Variants in TYW1 observed in about 807,000 individuals in gnomAD.
TYW1 encodes S-adenosyl-L-methionine-dependent tRNA 4-demethylwyosine synthase TYW1.
TYW1 carries 46 observed loss-of-function variants against 96.2 expected under a neutral mutation model. That is an observed-to-expected ratio of 0.48 (90% CI 0.38 to 0.61). The LOEUF is 0.61. Among genes scored for constraint, TYW1 ranks in the 20% least tolerant of loss-of-function variants. TYW1 has a pLI of 0.00. For synonymous variants in TYW1, 274 were observed against 323.0 expected (o/e 0.85, Z 1.63); for missense variants, 684 against 909.6 (o/e 0.75, Z 3.19).
intron 13 of TYW1, among the ~76,000 whole-genome samples, chr7:67,131,198 A>T (rs991779715): frequency 6.6e-6 from 1 of 151,812 alleles, no homozygotes; most frequent in South Asian, 2.1e-4. Flanking sequence ...TGGGCAAGGG[A>T]CTCACTTTTC....
intron 13 of TYW1, among the ~76,000 whole-genome samples, chr7:67,130,157 G>A (rs1232948630): frequency 6.6e-6 from 1 of 151,936 alleles, no homozygotes; most frequent in Non-Finnish European, 1.5e-5. Flanking sequence ...GAGGTGGGTG[G>A]ATCACCTGAG....
At chr7:67,033,778 C>T (rs778849204) in intron 7 of TYW1, among the ~76,000 whole-genome samples, 12 of 151,926 alleles carry the variant, frequency 7.9e-5, no homozygotes, top group Non-Finnish European at 5.9e-5. Flanking sequence ...TCAGTACAAC[C>T]TCTGCCTCTG....
At chr7:67,235,454 A>T (rs1455586598) in intron 15 of TYW1, among the ~76,000 whole-genome samples, 3 of 152,180 alleles carry the variant, frequency 2.0e-5, no homozygotes, top group Non-Finnish European at 4.4e-5. Context: ...GTCAAGGGTG[A>T]GTGTCATGCC....
chr7:67,017,289 C>A (rs949169503), intron 5 of TYW1, among the ~76,000 whole-genome samples: 3 of 151,932 alleles, frequency 2.0e-5, no homozygotes, highest in African/African-American at 7.2e-5. Context: ...GGCGTAGATA[C>A]GTAAATATTT....
intron 15 of TYW1, among the ~76,000 whole-genome samples, chr7:67,217,863 T>C (rs1375589718): frequency 6.9e-6 from 1 of 144,072 alleles, no homozygotes; most frequent in Non-Finnish European, 1.5e-5. Flanking sequence ...TTTTTTTTTT[T>C]TTTTTTTTTT....
At chr7:67,016,980 A>T (rs1364207690) in intron 5 of TYW1, among the ~76,000 whole-genome samples, 8 of 121,766 alleles carry the variant, frequency 6.6e-5, no homozygotes, top group African/African-American at 2.2e-4. Context: ...AGATATGTAA[A>T]TTTTTTTTTT....
chr7:67,099,503 C>T (rs1441955303), intron 12 of TYW1, among the ~76,000 whole-genome samples: 3 of 152,074 alleles, frequency 2.0e-5, no homozygotes, highest in Non-Finnish European at 4.4e-5. Flanking sequence ...AGGTGGAAGT[C>T]AAGTTAGAAA....
intron 15 of TYW1, 117 bp downstream of exon 15, chr7:67,195,454 T>C (rs1213600690): frequency 4.7e-5 from 69 of 1,481,482 alleles, no homozygotes; most frequent in Non-Finnish European, 4.6e-5. Context: ...TTTGCTACCT[T>C]TCCCAAAACA....
chr7:67,155,873 A>G (rs1174177756), intron 13 of TYW1, among the ~76,000 whole-genome samples: 2 of 151,486 alleles, frequency 1.3e-5, no homozygotes, highest in Non-Finnish European at 2.9e-5. Context: ...TTCAGAGGCA[A>G]AGACTTTTTC....
At chr7:67,053,751 CA>C (rs937570494) in intron 8 of TYW1, among the ~76,000 whole-genome samples, 66 of 152,220 alleles carry the variant, frequency 4.3e-4, no homozygotes, top group African/African-American at 1.6e-3. Context: ...TCTAGTCTTC[CA>C]AAAATGGTTC....
At chr7:67,236,876 C>A (rs1162132943) in intron 15 of TYW1, among the ~76,000 whole-genome samples, 1 of 151,600 alleles carries the variant, frequency 6.6e-6, no homozygotes, top group African/African-American at 2.4e-5. Context: ...TCATTTAGTT[C>A]ATTGGAGTTT....
chr7:67,100,872 G>C (rs1797065345), intron 12 of TYW1, among the ~76,000 whole-genome samples: 1 of 143,304 alleles, frequency 7.0e-6, no homozygotes, highest in Non-Finnish European at 1.5e-5. Context: ...AAAAAAAAGA[G>C]TTAAAGAAAG....
At chr7:67,021,367 G>A (rs1261541051) in intron 6 of TYW1, among the ~76,000 whole-genome samples, 3 of 152,258 alleles carry the variant, frequency 2.0e-5, no homozygotes, top group Non-Finnish European at 2.9e-5. Flanking sequence ...TCCATCTGCT[G>A]GTACTTTCTG....
intron 7 of TYW1, among the ~76,000 whole-genome samples, chr7:67,029,028 T>G (rs1794553229): frequency 6.6e-6 from 1 of 151,612 alleles, no homozygotes; most frequent in African/African-American, 2.4e-5. Flanking sequence ...AGACGGAGTC[T>G]CGCTCTGTTG....
chr7:67,145,856 G>C (rs963789121), intron 13 of TYW1, among the ~76,000 whole-genome samples: 14 of 152,194 alleles, frequency 9.2e-5, no homozygotes, highest in African/African-American at 3.4e-4. Flanking sequence ...CTGGGCTTAA[G>C]CAATCTTCCC....
intron 3 of TYW1, among the ~76,000 whole-genome samples, chr7:67,002,849 CTTTTTTCT>C (rs1793450947): frequency 2.6e-5 from 3 of 116,930 alleles, no homozygotes; most frequent in African/African-American, 9.6e-5. Context: ...TTTTCTTTTT[CTTTTTTCT>C]TTTTTTTTTT....
At chr7:67,016,594 GT>G (rs1280368991) in intron 5 of TYW1, among the ~76,000 whole-genome samples, 7 of 152,096 alleles carry the variant, frequency 4.6e-5, no homozygotes, top group African/African-American at 1.7e-4. Flanking sequence ...TTCTATTGTT[GT>G]GTCACAATGT....
rs201158475 is a variant in TYW1 at position 67,176,322 on chromosome 7, C to T, written c.1699-6804C>T. Among the ~76,000 whole-genome samples the T allele has an allele frequency of 3.3e-5, 5 of 152,124 alleles. No individual in the cohort carries two copies. The East Asian group carries it at 7.7e-4, about 23-fold the overall frequency. On this transcript the variant is annotated intron_variant, in intron 13 of 15. Coordinates refer to ENST00000359626, the MANE Select transcript of TYW1 (RefSeq NM_018264.4). Reference sequence around the variant, plus strand: ...TCAGGGTTGTAAAAGTATCATTTCTCCATACACTGATTATATTTATTTATG... The same window carrying T: ...TCAGGGTTGTAAAAGTATCATTTCTTCATACACTGATTATATTTATTTATG...
intron 13 of TYW1, among the ~76,000 whole-genome samples, chr7:67,130,064 A>G (rs1460715024): frequency 6.6e-6 from 1 of 151,616 alleles, no homozygotes; most frequent in Non-Finnish European, 1.5e-5. Flanking sequence ...TTTTTTGTTA[A>G]CAGAGTGTCA....
Sources: gnomAD v4.1 joint callset for allele counts (sites outside exome capture counted in the v4.1 genomes callset) on GRCh38, gnomAD v4.1.1 for gene constraint, MANE v1.5 for transcripts, NCBI Gene and HGNC (gene_info 2026-07-23, HGNC 2026-07-21) for gene names.